The following PDE8B variants were observed in gnomAD, a reference collection of about 807,000 sequenced individuals.
The protein encoded by PDE8B is phosphodiesterase 8B.
In PDE8B, 26 loss-of-function variants were observed where a neutral mutation model predicts 101.3. That is an observed-to-expected ratio of 0.26 (90% CI 0.19 to 0.36). PDE8B has a LOEUF of 0.36. PDE8B is among the 10% of genes least tolerant of loss of function. The pLI is 1.00. For missense variants in PDE8B, 810 were observed against 1,163.1 expected (o/e 0.70, Z 4.42); for synonymous variants, 424 against 429.3 (o/e 0.99, Z 0.15).
chr5:77,164,313 G>C, the PDE8B span, among the ~76,000 whole-genome samples: 2 of 152,118 alleles, frequency 1.3e-5, no homozygotes, highest in Non-Finnish European at 2.9e-5. Flanking sequence ...TAATGTGTGT[G>C]TTGTACCTAT....
intron 1 of PDE8B, among the ~76,000 whole-genome samples, chr5:77,284,894 T>C (rs897154932): frequency 4.6e-5 from 7 of 152,246 alleles, no homozygotes; most frequent in African/African-American, 1.7e-4. Flanking sequence ...TGTTTCCATT[T>C]GGAGCTGTCA....
chr5:77,407,553 T>C (rs1793736221), intron 13 of PDE8B, 96 bp downstream of exon 13: 1 of 867,646 alleles, frequency 1.2e-6, no homozygotes, highest in Non-Finnish European at 2.0e-6. Context: ...GAGCTCAGTC[T>C]AGTGGAAGAA....
At chr5:77,255,822 G>A (rs12697863) in intron 1 of PDE8B, among the ~76,000 whole-genome samples, 80,370 of 152,104 alleles carry the variant, frequency 0.53, 21,292 homozygotes, top group South Asian at 0.6. Flanking sequence ...CTACAGATCC[G>A]GGTACGGGGT....
chr5:77,087,908 C>T, the PDE8B span: 1 of 152,636 alleles, frequency 6.6e-6, no homozygotes, highest in African/African-American at 2.4e-5. Context: ...GGAAATTTAA[C>T]AATTAGCTCC....
intron 6 of PDE8B, among the ~76,000 whole-genome samples, chr5:77,340,021 A>G (rs376118426): frequency 3.3e-5 from 5 of 152,216 alleles, no homozygotes; most frequent in African/African-American, 1.2e-4. Flanking sequence ...TCTAGATTAA[A>G]TGATGACTAT....
At chr5:77,097,732 T>TATATATATACAC in the PDE8B span, among the ~76,000 whole-genome samples, 8 of 65,226 alleles carry the variant, frequency 1.2e-4, no homozygotes, top group African/African-American at 2.8e-4. Flanking sequence ...TATATATATA[T>TATATATATACAC]ACATACATAT....
chr5:77,150,153 G>A, the PDE8B span, among the ~76,000 whole-genome samples: 1 of 152,164 alleles, frequency 6.6e-6, no homozygotes, highest in Non-Finnish European at 1.5e-5. Context: ...TCATATCACA[G>A]TGTCTTTCTG....
intron 1 of PDE8B, among the ~76,000 whole-genome samples, chr5:77,259,344 A>C (rs145435486): frequency 3.3e-4 from 50 of 152,114 alleles, no homozygotes; most frequent in African/African-American, 1.2e-3. Flanking sequence ...AAGAGATTGG[A>C]ATGTAAGCTT....
chr5:77,148,494 A>G, the PDE8B span: 1 of 152,226 alleles, frequency 6.6e-6, no homozygotes, highest in Non-Finnish European at 1.5e-5. Context: ...CGTTCTTATC[A>G]ACAATATATG....
intron 19 of PDE8B, 55 bp downstream of exon 19, chr5:77,419,942 C>T: frequency 6.3e-7 from 1 of 1,595,474 alleles, no homozygotes; most frequent in Non-Finnish European, 8.6e-7. Context: ...CCATAAGAGC[C>T]TGCTCTGGCC....
chr5:77,325,139 T>A (rs1430663831), intron 2 of PDE8B, among the ~76,000 whole-genome samples: 2 of 146,174 alleles, frequency 1.4e-5, no homozygotes, highest in Non-Finnish European at 3.0e-5. Flanking sequence ...CAGTATACCA[T>A]AGGCCTGGTC....
At chr5:77,233,126 A>G (rs567760721) in intron 1 of PDE8B, among the ~76,000 whole-genome samples, 4 of 151,900 alleles carry the variant, frequency 2.6e-5, no homozygotes, top group Non-Finnish European at 5.9e-5. Context: ...GCTTATAAGT[A>G]AAGAGGAAGG....
At chr5:77,193,410 A>C in the PDE8B span, among the ~76,000 whole-genome samples, 3 of 152,314 alleles carry the variant, frequency 2.0e-5, no homozygotes, top group African/African-American at 7.2e-5. Context: ...CAGTCATTCC[A>C]CCACCATTTG....
At chr5:77,151,600 T>G in the PDE8B span, among the ~76,000 whole-genome samples, 85 of 152,320 alleles carry the variant, frequency 5.6e-4, no homozygotes, top group African/African-American at 1.9e-3. Flanking sequence ...ATTCTTTTAT[T>G]TAAATCTACA....
rs1269586167 is a variant in PDE8B at position 77,426,971 on chromosome 5, T to C, written c.*417T>C. The C allele has an allele frequency of 9.8e-6, 2 of 204,304 alleles. No homozygotes were observed. Among genetic ancestry groups the C allele is most frequent in the Admixed American group, 5.3e-5 (1 of 18,806 alleles). 12.7% of individuals were successfully genotyped at this position (204,304 alleles called of 1,614,324 possible). A position where few individuals can be genotyped will look rare whatever the true frequency, so the allele number is the denominator to read the frequency against. On this transcript the variant is annotated 3_prime_UTR_variant, in exon 22 of 22. Coordinates refer to ENST00000264917, the MANE Select transcript of PDE8B (RefSeq NM_003719.5). ...TAAAAGTCATCATTGCTGTTTAGCTTGACTGTTTTCCTCAAGAACATCGAT... is the reference window on the plus strand; with the variant it reads ...TAAAAGTCATCATTGCTGTTTAGCTCGACTGTTTTCCTCAAGAACATCGAT...
Position 77,211,324 on chromosome 5 carries a change from ACGGGTAGGGGGCTC to A in PDE8B, c.339+64_339+77del, listed in dbSNP as rs1178934598. ...CGTCCGCCCCGTCGGCGGGGCTCGC[ACGGGTAGGGGGCTC>A]CGGCGGAGTTGGGTGACCGTGAGGC... On this transcript the variant is annotated intron_variant, in intron 1 of 21. Coordinates refer to ENST00000264917, the MANE Select transcript of PDE8B (RefSeq NM_003719.5). This position sits in a 1 kb window ranked among gnomAD's most constrained non-coding sequence, Gnocchi z 4.1. 87 of 1,482,622 alleles carry A rather than the reference ACGGGTAGGGGGCTC, an allele frequency of 5.9e-5. No individual in the cohort carries two copies. In the African/African-American group the frequency reaches 1.1e-3, roughly 19 times the overall value. The allele number at this position is 1,482,622 out of a possible 1,614,324, so 91.8% of individuals were successfully genotyped here. A position where few individuals can be genotyped will look rare whatever the true frequency, so the allele number is the denominator to read the frequency against.
At chr5:77,105,040 A>G in the PDE8B span, 2 of 152,120 alleles carry the variant, frequency 1.3e-5, no homozygotes, top group African/African-American at 4.8e-5. Flanking sequence ...AGAATTTTGT[A>G]TAGAGGGAAT....
At chr5:77,137,832 CT>C in the PDE8B span, among the ~76,000 whole-genome samples, 5 of 152,024 alleles carry the variant, frequency 3.3e-5, no homozygotes, top group Admixed American at 1.3e-4. Context: ...CAAGGAGAGA[CT>C]TTTTTTCATT....
At chr5:77,419,742 C>G (rs1796247623) in intron 18 of PDE8B, 25 bp from the exon 19 acceptor site, 1 of 1,612,796 alleles carries the variant, frequency 6.2e-7, no homozygotes, top group Non-Finnish European at 8.5e-7. Context: ...TGTGAACAAG[C>G]CCCTTTGTCT....
Sources: allele counts gnomAD v4.1 joint callset (sites outside exome capture counted in the v4.1 genomes callset), GRCh38; gene constraint gnomAD v4.1.1; non-coding constraint Gnocchi (gnomAD v3.1); transcripts MANE v1.5; gene names NCBI Gene and HGNC (gene_info 2026-07-23, HGNC 2026-07-21).